ITGBL1: variants seen among roughly 807,000 people sequenced by gnomAD.
ITGBL1 encodes the protein integrin beta-like protein 1.
A neutral mutation model predicts 68.5 loss-of-function variants in ITGBL1; 51 were observed. The observed-to-expected ratio is 0.74, with a 90% CI of 0.59 to 0.94. ITGBL1 has a LOEUF of 0.94. Among genes scored for constraint, ITGBL1 ranks in the 40% least tolerant of loss-of-function variants. ITGBL1 has a pLI of 0.00. For missense variants in ITGBL1, 649 were observed against 647.4 expected (o/e 1.00, Z -0.03); for synonymous variants, 209 against 227.3 (o/e 0.92, Z 0.72).
In ITGBL1 at chr13:101,595,494, C is replaced by A. The variant is rs74860094; in HGVS notation, c.869-2659C>A. ...TTGAAACTATATCTAACTCATACAA[C>A]TCAATAGCAAAAAAAATCAAACAAC... On this transcript the variant is annotated intron_variant, in intron 6 of 10. Transcript: ENST00000376180. 1.0e-4 allele frequency among the ~76,000 whole-genome samples: 14 copies of A among 140,228 alleles called. No homozygotes were observed. In the East Asian group the frequency reaches 2.4e-3, roughly 24 times the overall value. 92.0% of individuals were successfully genotyped at this position (140,228 alleles called of 152,430 possible).
intron 3 of ITGBL1, among the ~76,000 whole-genome samples, chr13:101,570,635 T>G (rs923237591): frequency 6.6e-6 from 1 of 152,112 alleles, no homozygotes; most frequent in Non-Finnish European, 1.5e-5. Flanking sequence ...GGTGCTTCAT[T>G]GAGGGAATGC....
At chr13:101,706,985 A>G in intron 9 of ITGBL1, 83 bp downstream of exon 9, 1 of 1,440,304 alleles carries the variant, frequency 6.9e-7, no homozygotes. Flanking sequence ...TGTCTTTCCC[A>G]GACTGAACTT....
chr13:101,500,548 T>C (rs1398930265), intron 2 of ITGBL1, among the ~76,000 whole-genome samples: 1 of 152,216 alleles, frequency 6.6e-6, no homozygotes, highest in Non-Finnish European at 1.5e-5. Flanking sequence ...TTAAAAATCA[T>C]TTACTAATGA....
chr13:101,697,090 A>T (rs780663190), intron 8 of ITGBL1, among the ~76,000 whole-genome samples: 2 of 151,614 alleles, frequency 1.3e-5, no homozygotes, highest in Non-Finnish European at 2.9e-5. Context: ...TGTACCCATC[A>T]TTAGAAAGGA....
intron 2 of ITGBL1, among the ~76,000 whole-genome samples, chr13:101,542,382 A>G (rs1477699647): frequency 6.6e-6 from 1 of 152,156 alleles, no homozygotes; most frequent in Non-Finnish European, 1.5e-5. Flanking sequence ...GAGTTTCTTA[A>G]TCCTGAGTTC....
chr13:101,668,927 G>A (rs1594967790), intron 7 of ITGBL1, among the ~76,000 whole-genome samples: 1 of 152,030 alleles, frequency 6.6e-6, no homozygotes, highest in Non-Finnish European at 1.5e-5. Context: ...TTTGTTCTAT[G>A]AGGAAGCACA....
chr13:101,713,282 C>T (rs1444260715), intron 9 of ITGBL1: 1 of 152,126 alleles, frequency 6.6e-6, no homozygotes, highest in African/African-American at 2.4e-5. Flanking sequence ...CTTTAATCAC[C>T]CAGGCTGTTA....
chr13:101,605,672 A>G (rs566391263), intron 7 of ITGBL1, among the ~76,000 whole-genome samples: 218 of 151,604 alleles, frequency 1.4e-3, no homozygotes, highest in African/African-American at 5.1e-3. Flanking sequence ...GTAGACATGT[A>G]TGTGTTTATG....
intron 9 of ITGBL1, chr13:101,711,700 T>A (rs1187105541): frequency 6.6e-6 from 1 of 152,218 alleles, no homozygotes; most frequent in Non-Finnish European, 1.5e-5. Flanking sequence ...ATTTCATTTC[T>A]TTCCCCTTCC....
downstream of ITGBL1, chr13:101,720,530 C>CTGTGTGTGTGTGTGTGTGTGTG (rs56200654): frequency 2.0e-5 from 3 of 147,572 alleles, no homozygotes; most frequent in African/African-American, 7.5e-5. Flanking sequence ...GGTGTTTGCT[C>CTGTGTGTGTGTGTGTGTGTGTG]TGTGTGTGTG....
At chr13:101,588,246 T>C (rs373838450) in intron 6 of ITGBL1, among the ~76,000 whole-genome samples, 45 of 152,080 alleles carry the variant, frequency 3.0e-4, no homozygotes, top group African/African-American at 1.1e-3. Context: ...TGGGCTGCAG[T>C]CATTTTTATG....
chr13:101,452,779 G>T lies in ITGBL1; in HGVS notation c.-55G>T. Reference sequence around the variant, plus strand: ...ACCTCTCCCTCCTGCCGCCTCCCTCGGTGAACCCCACCTTGCAGAAGTGCA... The same window carrying T: ...ACCTCTCCCTCCTGCCGCCTCCCTCTGTGAACCCCACCTTGCAGAAGTGCA... On this transcript the variant is annotated 5_prime_UTR_variant, in exon 1 of 11. Coordinates refer to ENST00000376180, the MANE Select transcript of ITGBL1 (RefSeq NM_004791.3). 6.8e-7 allele frequency: 1 copy of T among 1,468,060 alleles called. No individual in the cohort carries two copies. Among genetic ancestry groups the T allele is most frequent in the Non-Finnish European group, 9.5e-7 (1 of 1,048,614 alleles). 90.9% of individuals were successfully genotyped at this position (1,468,060 alleles called of 1,614,324 possible).
intron 2 of ITGBL1, among the ~76,000 whole-genome samples, chr13:101,509,065 A>G (rs538515536): frequency 6.6e-6 from 1 of 152,260 alleles, no homozygotes; most frequent in Non-Finnish European, 1.5e-5. Context: ...AGACATACCC[A>G]AGACCGGGCA....
rs977565272 is a variant in ITGBL1 at position 101,530,948 on chromosome 13, T to G, written c.317-36751T>G. ...GTCTAGATTCATCTTAAAAAATCAC[T>G]AAGAAAAGTAAAATCATGTTCGAAA... On this transcript the variant is annotated intron_variant, in intron 2 of 10. Transcript: ENST00000376180. 4.6e-5 allele frequency among the ~76,000 whole-genome samples: 7 copies of G among 152,280 alleles called. 1 individual carries two copies. The highest frequency in any genetic ancestry group is 1.7e-4 in the African/African-American group (7 of 41,578).
intron 2 of ITGBL1, among the ~76,000 whole-genome samples, chr13:101,545,583 A>G (rs2049805642): frequency 6.6e-6 from 1 of 152,206 alleles, no homozygotes. Flanking sequence ...CTGGGGGAAA[A>G]CAAATATTTT....
At chr13:101,709,416 G>A (rs1458963855) in intron 9 of ITGBL1, among the ~76,000 whole-genome samples, 3 of 150,608 alleles carry the variant, frequency 2.0e-5, no homozygotes, top group Non-Finnish European at 4.4e-5. Context: ...AGGAAAGGAG[G>A]CAGGGATGGA....
intron 6 of ITGBL1, among the ~76,000 whole-genome samples, chr13:101,590,636 C>T (rs1471211270): frequency 6.6e-6 from 1 of 152,082 alleles, no homozygotes; most frequent in African/African-American, 2.4e-5. Flanking sequence ...GTTATTGTTC[C>T]AGTGTCAACA....
chr13:101,555,134 ATT>A (rs2139221489), intron 2 of ITGBL1, among the ~76,000 whole-genome samples: 1 of 152,326 alleles, frequency 6.6e-6, no homozygotes, highest in Non-Finnish European at 1.5e-5. Context: ...CAATATTAAT[ATT>A]GTGTGTTCAT....
At position 101,558,524 on chromosome 13, in the gene ITGBL1, G is replaced by A. The variant is rs74455447; in HGVS notation, c.317-9175G>A. On this transcript the variant is annotated intron_variant, in intron 2 of 10. Transcript: ENST00000376180. ...GAACTGAAAGCTAGAAGGTGACAAA[G>A]AGAACGGAGAATGTCTGTCATCAAA... is the stretch of plus-strand genomic sequence containing the variant. Among the ~76,000 whole-genome samples, 1,408 of 152,232 alleles carry A rather than the reference G, an allele frequency of 9.2e-3. 8 individuals carry two copies. The highest frequency in any genetic ancestry group is 0.037 in the Middle Eastern group (11 of 294).
Sources: allele counts gnomAD v4.1 joint callset (sites outside exome capture counted in the v4.1 genomes callset), GRCh38; gene constraint gnomAD v4.1.1; transcripts MANE v1.5; gene names NCBI Gene and HGNC (gene_info 2026-07-23, HGNC 2026-07-21).